The following ANO2 variants were observed in gnomAD, a reference collection of about 807,000 sequenced individuals.
ANO2 encodes anoctamin 2, also known as anoctamin-2.
A neutral mutation model predicts 124.2 loss-of-function variants in ANO2; 101 were observed. The ratio of observed to expected loss-of-function variants is 0.81; its 90% CI spans 0.69 to 0.96. The LOEUF (loss-of-function observed/expected upper bound fraction) is 0.96, where lower values mean the gene tolerates loss of function less well. Among genes scored for constraint, ANO2 ranks in the 40% least tolerant of loss-of-function variants. ANO2 has a pLI of 0.00. For missense variants in ANO2, 1,293 were observed against 1,274.5 expected (o/e 1.01, Z -0.22); for synonymous variants, 486 against 482.5 (o/e 1.01, Z -0.09).
At chr12:5,816,087 T>C (rs888714831) in intron 7 of ANO2, among the ~76,000 whole-genome samples, 1 of 151,628 alleles carries the variant, frequency 6.6e-6, no homozygotes. Flanking sequence ...AATCTGAGGG[T>C]GAAGGATCAA....
Position 5,751,060 on chromosome 12 carries a change from A to T in ANO2, c.1056-90T>A. Reference sequence around the variant, plus strand: ...TTTGTTCTATGCCTAAGGGTGGGTCAACATAGATATTCATTCCTCTTGTGA... The same window carrying T: ...TTTGTTCTATGCCTAAGGGTGGGTCTACATAGATATTCATTCCTCTTGTGA... On this transcript the variant is annotated intron_variant, in intron 10 of 24. Transcript: ENST00000682330. The T allele has an allele frequency of 2.3e-6, 3 of 1,278,974 alleles. No homozygotes were observed. The South Asian group carries it at 4.8e-5, about 20-fold the overall frequency. The allele number at this position is 1,278,974 out of a possible 1,614,324, so 79.2% of individuals were successfully genotyped here.
chr12:5,635,034 A>C lies in ANO2; in HGVS notation c.1816+118T>G. 1 of 894,640 alleles carries C rather than the reference A, an allele frequency of 1.1e-6. No individual in the cohort carries two copies. Among genetic ancestry groups the C allele is most frequent in the Non-Finnish European group, 1.6e-6 (1 of 632,316 alleles). The allele number at this position is 894,640 out of a possible 1,614,324, so 55.4% of individuals were successfully genotyped here. On this transcript the variant is annotated intron_variant, in intron 16 of 24. Coordinates refer to ENST00000682330, the MANE Select transcript of ANO2 (RefSeq NM_001364791.2). The surrounding 1 kb of genome is among the most constrained non-coding windows in gnomAD (Gnocchi z 5.2). ...TGCACTTCCCCATTTCTCTAATTAA[A>C]ATGCACTGTACAAAGCATCCTGTCC...
At chr12:5,634,560 C>T (rs990565733) in intron 16 of ANO2, among the ~76,000 whole-genome samples, 20 of 152,258 alleles carry the variant, frequency 1.3e-4, no homozygotes, top group Middle Eastern at 3.4e-3. Context: ...CGGGCAACAG[C>T]GACTTGCAGC....
intron 7 of ANO2, among the ~76,000 whole-genome samples, chr12:5,816,197 G>A (rs774583626): frequency 2.0e-5 from 3 of 150,422 alleles, no homozygotes; most frequent in East Asian, 1.9e-4. Flanking sequence ...AATATAAGCC[G>A]ATTCTAGTCA....
At chr12:5,632,081 A>G in intron 16 of ANO2, among the ~76,000 whole-genome samples, 1 of 152,110 alleles carries the variant, frequency 6.6e-6, no homozygotes. Flanking sequence ...TTTGTCCAAA[A>G]AACTTCCCCG....
At chr12:5,664,538 C>T (rs1313564690) in intron 14 of ANO2, among the ~76,000 whole-genome samples, 2 of 152,198 alleles carry the variant, frequency 1.3e-5, no homozygotes, top group African/African-American at 4.8e-5. Context: ...TCATCTTATA[C>T]ATAAGAAAAT....
intron 14 of ANO2, among the ~76,000 whole-genome samples, chr12:5,672,919 C>A (rs1273495676): frequency 1.3e-5 from 2 of 152,138 alleles, no homozygotes; most frequent in Admixed American, 6.5e-5. Context: ...GGAGGCCCTT[C>A]CCACGAATTA....
At chr12:5,682,148 C>T (rs923637067) in intron 14 of ANO2, among the ~76,000 whole-genome samples, 1 of 152,216 alleles carries the variant, frequency 6.6e-6, no homozygotes, top group Non-Finnish European at 1.5e-5. Context: ...TCATTCTATG[C>T]TTCCTATCCC....
intron 12 of ANO2, among the ~76,000 whole-genome samples, 197 bp from the exon 13 acceptor site, chr12:5,739,596 T>TACACATACACACAC (rs1555153135): frequency 2.8e-5 from 4 of 145,082 alleles, no homozygotes; most frequent in Non-Finnish European, 6.0e-5. Context: ...ATAGATATGT[T>TACACATACACACAC]ACACACACAC....
intron 14 of ANO2, among the ~76,000 whole-genome samples, chr12:5,718,377 T>C (rs905881710): frequency 3.3e-5 from 5 of 152,202 alleles, no homozygotes; most frequent in African/African-American, 4.8e-5. Context: ...GAACAGCCCC[T>C]GGGATACTTC....
intron 3 of ANO2, among the ~76,000 whole-genome samples, chr12:5,912,138 A>G (rs1941088460): frequency 6.6e-6 from 1 of 152,160 alleles, no homozygotes; most frequent in Non-Finnish European, 1.5e-5. Context: ...CCAGACATAA[A>G]GGACTTGGTA....
At chr12:5,674,115 T>C (rs902638104) in intron 14 of ANO2, among the ~76,000 whole-genome samples, 5 of 152,124 alleles carry the variant, frequency 3.3e-5, no homozygotes, top group Admixed American at 1.3e-4. Flanking sequence ...GGTGATCCCA[T>C]AGAGAAAAAA....
chr12:5,657,522 T>C (rs1472849029), intron 14 of ANO2, among the ~76,000 whole-genome samples: 1 of 149,378 alleles, frequency 6.7e-6, no homozygotes, highest in East Asian at 2.0e-4. Flanking sequence ...TTTTTTGAAA[T>C]AGGATCTTGT....
At chr12:5,941,617 A>G (rs1238822083) in intron 1 of ANO2, among the ~76,000 whole-genome samples, 1 of 152,096 alleles carries the variant, frequency 6.6e-6, no homozygotes, top group Admixed American at 6.5e-5. Flanking sequence ...AAAATTTGAT[A>G]AAATACAATA....
intron 15 of ANO2, among the ~76,000 whole-genome samples, chr12:5,639,309 C>T (rs1219999242): frequency 6.6e-6 from 1 of 152,142 alleles, no homozygotes; most frequent in Non-Finnish European, 1.5e-5. Flanking sequence ...CCTATGACCT[C>T]CACCTAGTTT....
intron 23 of ANO2, among the ~76,000 whole-genome samples, chr12:5,566,089 G>A (rs1941736925): frequency 6.6e-6 from 1 of 152,162 alleles, no homozygotes; most frequent in Non-Finnish European, 1.5e-5. Context: ...TGGGGAAGAT[G>A]CAGACACCAG....
chr12:5,805,454 A>G (rs1051937434), intron 9 of ANO2, among the ~76,000 whole-genome samples: 3 of 152,130 alleles, frequency 2.0e-5, no homozygotes, highest in Non-Finnish European at 4.4e-5. Context: ...GTAACCTCCA[A>G]TTCCTAGTTT....
Position 5,810,148 on chromosome 12 carries a change from G to T in ANO2, c.893-2780C>A, listed in dbSNP as rs139671114. Among the ~76,000 whole-genome samples the T allele has an allele frequency of 2.6e-5, 4 of 152,250 alleles. No homozygotes were observed. In the East Asian group the frequency reaches 7.7e-4, roughly 29 times the overall value. ...CTAGCTGTGTACTCCCTACTTTTCAGGTGGTATCCTATGGGTGATCCCAAT... is the reference window on the plus strand; with the variant it reads ...CTAGCTGTGTACTCCCTACTTTTCATGTGGTATCCTATGGGTGATCCCAAT... On this transcript the variant is annotated intron_variant, in intron 7 of 24. Coordinates refer to ENST00000682330, the MANE Select transcript of ANO2 (RefSeq NM_001364791.2).
chr12:5,795,010 C>T (rs1952805716), intron 10 of ANO2, among the ~76,000 whole-genome samples: 1 of 152,204 alleles, frequency 6.6e-6, no homozygotes, highest in African/African-American at 2.4e-5. Flanking sequence ...CGGTCTCCCT[C>T]CGGGGGTGCT....
Sources: allele counts gnomAD v4.1 joint callset (sites outside exome capture counted in the v4.1 genomes callset), GRCh38; gene constraint gnomAD v4.1.1; non-coding constraint Gnocchi (gnomAD v3.1); transcripts MANE v1.5; gene names NCBI Gene and HGNC (gene_info 2026-07-23, HGNC 2026-07-21).